DLC1: variants seen among roughly 807,000 people sequenced by gnomAD.
DLC1 encodes the protein rho GTPase-activating protein 7.
Under a neutral mutation model 140.3 loss-of-function variants are expected in DLC1, and 54 were observed. That is an observed-to-expected ratio of 0.38 (90% CI 0.31 to 0.48). The LOEUF (loss-of-function observed/expected upper bound fraction) is 0.48, where lower values mean the gene tolerates loss of function less well. Among genes scored for constraint, DLC1 ranks in the 20% least tolerant of loss-of-function variants. The pLI, the probability that DLC1 is intolerant of heterozygous loss-of-function variation, is 0.96. For synonymous variants in DLC1, 986 were observed against 728.1 expected (o/e 1.35, Z -5.70); for missense variants, 2,536 against 1,907.0 (o/e 1.33, Z -6.14).
At chr8:13,202,625 C>A (rs1381689199) in intron 5 of DLC1, among the ~76,000 whole-genome samples, 4 of 152,004 alleles carry the variant, frequency 2.6e-5, no homozygotes, top group Non-Finnish European at 4.4e-5. Context: ...CACACTGTGA[C>A]TTTACTTTTA....
At chr8:13,553,900 A>G (rs1803952682) in intron 1 of DLC1, among the ~76,000 whole-genome samples, 1 of 151,830 alleles carries the variant, frequency 6.6e-6, no homozygotes, top group African/African-American at 2.4e-5. Context: ...TCCTCAAAAT[A>G]TTTTTCTTAT....
intron 1 of DLC1, among the ~76,000 whole-genome samples, chr8:13,526,551 G>C (rs1338238221): frequency 6.6e-6 from 1 of 151,934 alleles, no homozygotes; most frequent in Non-Finnish European, 1.5e-5. Context: ...TTTATATTTT[G>C]AAGACTATTG....
At chr8:13,237,245 A>C (rs985233876) in intron 5 of DLC1, among the ~76,000 whole-genome samples, 1 of 146,382 alleles carries the variant, frequency 6.8e-6, no homozygotes. Flanking sequence ...ATATATACAC[A>C]CACACACACA....
At chr8:13,297,298 T>TAAAAAAAAAAAAAAAAAAAAAAAAAA (rs1831999414) in intron 5 of DLC1, among the ~76,000 whole-genome samples, 3 of 7,530 alleles carry the variant, frequency 4.0e-4, no homozygotes, top group African/African-American at 1.3e-3. Context: ...AAAAAAAAAC[T>TAAAAAAAAAAAAAAAAAAAAAAAAAA]GAAGCAAGTA....
chr8:13,314,732 A>G (rs1177782277), intron 4 of DLC1, among the ~76,000 whole-genome samples: 1 of 152,224 alleles, frequency 6.6e-6, no homozygotes, highest in African/African-American at 2.4e-5. Flanking sequence ...CCACAAAAAG[A>G]ATACAGATTA....
intron 1 of DLC1, among the ~76,000 whole-genome samples, chr8:13,582,823 A>C (rs1310139344): frequency 7.5e-6 from 1 of 134,032 alleles, no homozygotes; most frequent in African/African-American, 3.0e-5. Context: ...TGAGTCATAC[A>C]ATTTTTTTTT....
intron 4 of DLC1, among the ~76,000 whole-genome samples, chr8:13,348,019 A>G (rs969956696): frequency 6.6e-5 from 10 of 152,040 alleles, no homozygotes; most frequent in Admixed American, 2.6e-4. Flanking sequence ...AACCCGGGAG[A>G]CATAGCTTGC....
At chr8:13,458,712 C>T (rs1017765259) in intron 2 of DLC1, among the ~76,000 whole-genome samples, 2 of 151,986 alleles carry the variant, frequency 1.3e-5, no homozygotes, top group African/African-American at 4.8e-5. Flanking sequence ...GGGCTAAATC[C>T]ATAATTATGA....
chr8:13,575,563 G>C (rs1440998964), intron 1 of DLC1, among the ~76,000 whole-genome samples: 1 of 152,062 alleles, frequency 6.6e-6, no homozygotes, highest in African/African-American at 2.4e-5. Flanking sequence ...AGAAGAGTGG[G>C]GCTTGAAAGC....
chr8:13,383,781 A>G (rs538958486), intron 4 of DLC1, among the ~76,000 whole-genome samples: 2 of 152,298 alleles, frequency 1.3e-5, no homozygotes, highest in Non-Finnish European at 2.9e-5. Flanking sequence ...GACATAGAGA[A>G]GAGCCAATGT....
chr8:13,198,398 A>G (rs1277302274), intron 5 of DLC1, among the ~76,000 whole-genome samples: 2 of 152,186 alleles, frequency 1.3e-5, no homozygotes, highest in Non-Finnish European at 2.9e-5. Flanking sequence ...CAATTGAACA[A>G]AAGCTCTCGA....
chr8:13,184,189 A>C lies in DLC1; in HGVS notation c.1349-68532T>G, dbSNP rs147420421. 9.1e-3 allele frequency among the ~76,000 whole-genome samples: 1,379 copies of C among 152,000 alleles called. 19 individuals carry two copies. Among genetic ancestry groups the C allele is most frequent in the African/African-American group, 0.031 (1,298 of 41,458 alleles). On this transcript the variant is annotated intron_variant, in intron 5 of 17. Coordinates refer to ENST00000276297, the MANE Select transcript of DLC1 (RefSeq NM_182643.3). ...CCCTTTATCATTTTTTATTGCATCT[A>C]TTTGATTCTTCTCTCTTTTCTTCTT... is the stretch of plus-strand genomic sequence containing the variant.
At chr8:13,148,363 T>A (rs1028130477) in intron 5 of DLC1, among the ~76,000 whole-genome samples, 3 of 152,214 alleles carry the variant, frequency 2.0e-5, no homozygotes, top group African/African-American at 7.2e-5. Context: ...TAGCTCCCAC[T>A]TACAAGTGAG....
At chr8:13,370,757 G>A (rs1215121256) in intron 4 of DLC1, among the ~76,000 whole-genome samples, 1 of 152,154 alleles carries the variant, frequency 6.6e-6, no homozygotes, top group Admixed American at 6.6e-5. Flanking sequence ...GGCAAGATGT[G>A]TACAGCATCC....
At chr8:13,132,106 G>C (rs567569129) in intron 5 of DLC1, among the ~76,000 whole-genome samples, 1 of 152,202 alleles carries the variant, frequency 6.6e-6, no homozygotes, top group South Asian at 2.1e-4. Context: ...CCAGGAACTC[G>C]CTCCTCGGCC....
chr8:13,591,028 C>A (rs1261514402), intron 1 of DLC1, among the ~76,000 whole-genome samples: 1 of 151,806 alleles, frequency 6.6e-6, no homozygotes, highest in Non-Finnish European at 1.5e-5. Context: ...TGACATTGAA[C>A]ATAAGGAATG....
intron 1 of DLC1, among the ~76,000 whole-genome samples, chr8:13,535,234 C>T (rs772825887): frequency 2.6e-5 from 4 of 151,216 alleles, no homozygotes; most frequent in African/African-American, 4.9e-5. Context: ...GTCATGTGTA[C>T]ATCTCTGTGG....
chr8:13,140,902 A>T (rs111853209), intron 5 of DLC1, among the ~76,000 whole-genome samples: 162 of 152,098 alleles, frequency 1.1e-3, no homozygotes, highest in African/African-American at 3.5e-3. Context: ...TAGCTGTCTT[A>T]TTTTTCTCTC....
chr8:13,379,453 C>T (rs1836153811), intron 4 of DLC1, among the ~76,000 whole-genome samples: 1 of 152,112 alleles, frequency 6.6e-6, no homozygotes, highest in Non-Finnish European at 1.5e-5. Context: ...ATAACACTTA[C>T]ATTAACCTAC....
Sources: allele counts gnomAD v4.1 joint callset (sites outside exome capture counted in the v4.1 genomes callset), GRCh38; gene constraint gnomAD v4.1.1; transcripts MANE v1.5; gene names NCBI Gene and HGNC (gene_info 2026-07-23, HGNC 2026-07-21).